The following PTPRQ variants were observed in gnomAD, a reference collection of about 807,000 sequenced individuals.
PTPRQ encodes protein tyrosine phosphatase receptor type Q, also known as phosphatidylinositol phosphatase PTPRQ.
A neutral mutation model predicts 246.0 loss-of-function variants in PTPRQ; 199 were observed. That is an observed-to-expected ratio of 0.81 (90% confidence interval 0.72 to 0.91). PTPRQ has a LOEUF of 0.91. PTPRQ is among the 40% of genes least tolerant of loss of function. The pLI, the probability that PTPRQ is intolerant of heterozygous loss-of-function variation, is 0.00. For synonymous variants in PTPRQ, 869 were observed against 853.2 expected (o/e 1.02, Z -0.32); for missense variants, 2,624 against 2,528.4 (o/e 1.04, Z -0.81).
chr12:80,491,385 G>C (rs1894445670), intron 9 of PTPRQ, among the ~76,000 whole-genome samples: 1 of 151,968 alleles, frequency 6.6e-6, no homozygotes, highest in African/African-American at 2.4e-5. Flanking sequence ...TGAGTTATGT[G>C]TTTGTGATTC....
chr12:80,670,227 T>A (rs1425530310), intron 41 of PTPRQ, 117 bp from the exon 42 acceptor site: 1 of 1,389,816 alleles, frequency 7.2e-7, no homozygotes, highest in East Asian at 2.6e-5. Context: ...ACATTTTATT[T>A]GGTTTGGTAA....
chr12:80,474,862 C>T (rs1893762704), intron 8 of PTPRQ, among the ~76,000 whole-genome samples: 1 of 152,040 alleles, frequency 6.6e-6, no homozygotes, highest in Admixed American at 6.6e-5. Context: ...TTGTTTACTC[C>T]CTCTTAAACA....
At chr12:80,472,769 C>G (rs1162625441) in intron 8 of PTPRQ, among the ~76,000 whole-genome samples, 1 of 152,066 alleles carries the variant, frequency 6.6e-6, no homozygotes, top group African/African-American at 2.4e-5. Context: ...AAGAAACTTC[C>G]TTATAAGTAT....
chr12:80,642,026 CA>C (rs1484966869), intron 35 of PTPRQ, among the ~76,000 whole-genome samples: 1 of 151,658 alleles, frequency 6.6e-6, no homozygotes, highest in Non-Finnish European at 1.5e-5. Context: ...TCTCTAACGC[CA>C]AATTTTCTTT....
rs1247176956 is a variant in PTPRQ at position 80,588,365 on chromosome 12, A to G, written c.4522A>G (p.Arg1508Gly). The change falls in exon 26 of 45, where the codon AGA becomes GGA. Residue 1508 changes from arginine (R) to glycine (G), a missense_variant. Physicochemically the swap from Arg to Gly is moderately radical, Grantham distance 125. Coordinates refer to ENST00000644991, the MANE Select transcript of PTPRQ (RefSeq NM_001145026.2). ...GACAGTATATGGATTAAAGAAATTT[A>G]GATGGTATAGATTCCAAGTGGCTGC... ...EETVYGLKKF[R>G]WYRFQVAAST... is the part of the protein sequence containing the mutation. 1 of 1,545,554 alleles carries G rather than the reference A, an allele frequency of 6.5e-7. No homozygotes were observed. The highest frequency in any genetic ancestry group is 8.7e-7 in the Non-Finnish European group (1 of 1,143,314).
Position 80,541,704 on chromosome 12 carries a change from C to T in PTPRQ, c.3304C>T (p.Pro1102Ser). Residue 1102 changes from proline (P) to serine (S), a missense_variant, in exon 21 of 45, where the codon CCT becomes TCT. Coordinates refer to ENST00000644991, the MANE Select transcript of PTPRQ (RefSeq NM_001145026.2). ...LQQTPRHVRP[P>S]LVTYERSIYF... ...GCAGACTCCTCGCCATGTGAGACCACCTCTTGTTACATATGAGAGAAGCAT... is the reference window on the plus strand; with the variant it reads ...GCAGACTCCTCGCCATGTGAGACCATCTCTTGTTACATATGAGAGAAGCAT... 2 of 1,551,322 alleles carry T rather than the reference C, an allele frequency of 1.3e-6. No individual in the cohort carries two copies. The highest frequency in any genetic ancestry group is 1.7e-6 in the Non-Finnish European group (2 of 1,146,726).
chr12:80,456,091 C>A (rs1053186163), intron 3 of PTPRQ, among the ~76,000 whole-genome samples: 4 of 152,102 alleles, frequency 2.6e-5, no homozygotes, highest in African/African-American at 9.7e-5. Flanking sequence ...ACATCAATAT[C>A]TTCTTTGAAC....
At position 80,605,165 on chromosome 12, in the gene PTPRQ, G is replaced by T. The variant is rs1257990905; in HGVS notation, c.4716G>T (p.Leu1572=). The T allele has an allele frequency of 6.5e-7, 1 of 1,541,000 alleles. No homozygotes were observed. Residue 1572 remains leucine (L), a synonymous_variant, in exon 27 of 45, where the codon CTG becomes CTT. Coordinates refer to ENST00000644991, the MANE Select transcript of PTPRQ (RefSeq NM_001145026.2). Reference sequence around the variant, plus strand: ...TCATTACTGGACCAACATGTTATCTGATTGATGTCAAATCGGTAAGGCATG... The same window carrying T: ...TCATTACTGGACCAACATGTTATCTTATTGATGTCAAATCGGTAAGGCATG... ...PAVITGPTCY[L]IDVKSVDNDE...
intron 32 of PTPRQ, among the ~76,000 whole-genome samples, chr12:80,620,823 C>A (rs556573815): frequency 5.9e-5 from 9 of 151,890 alleles, no homozygotes; most frequent in Non-Finnish European, 8.8e-5. Flanking sequence ...TAACTCTCTG[C>A]TTTTTATCTC....
At chr12:80,627,689 AG>A (rs1255639796) in intron 33 of PTPRQ, among the ~76,000 whole-genome samples, 3 of 152,168 alleles carry the variant, frequency 2.0e-5, no homozygotes. Flanking sequence ...TTATGTAAAC[AG>A]ACCAATTTAA....
At chr12:80,446,982 G>A (rs1256891438) in intron 3 of PTPRQ, among the ~76,000 whole-genome samples, 1 of 151,936 alleles carries the variant, frequency 6.6e-6, no homozygotes, top group Non-Finnish European at 1.5e-5. Flanking sequence ...AGGTCTTTGA[G>A]AAATCTCCGT....
chr12:80,563,560 C>T (rs186884142), intron 25 of PTPRQ, among the ~76,000 whole-genome samples: 1 of 152,252 alleles, frequency 6.6e-6, no homozygotes, highest in East Asian at 1.9e-4. Flanking sequence ...TCTTTTATAC[C>T]ACTCTAGTAG....
intron 6 of PTPRQ, among the ~76,000 whole-genome samples, chr12:80,466,532 G>A (rs377495528): frequency 6.6e-6 from 1 of 152,052 alleles, no homozygotes; most frequent in African/African-American, 2.4e-5. Context: ...GAACCAAAAA[G>A]GAGCCCGCAT....
chr12:80,605,142 A>G lies in PTPRQ; in HGVS notation c.4693A>G (p.Ile1565Val), dbSNP rs1188079722. The G allele has an allele frequency of 1.9e-6, 3 of 1,545,366 alleles. No homozygotes were observed. Among genetic ancestry groups the G allele is most frequent in the Middle Eastern group, 3.4e-4 (2 of 5,960 alleles). Residue 1565 changes from isoleucine (I) to valine (V), a missense_variant, in exon 27 of 45, where the codon ATT (isoleucine) becomes GTT (valine). Transcript: ENST00000644991. ...ISISWSEPAVITGPTCYLIDV... is the reference protein window; with the variant it reads ...ISISWSEPAVVTGPTCYLIDV... ...CATAAGCTGGAGTGAACCTGCTGTC[A>G]TTACTGGACCAACATGTTATCTGAT...
At chr12:80,468,310 A>G (rs1347731486) in intron 6 of PTPRQ, among the ~76,000 whole-genome samples, 1 of 152,184 alleles carries the variant, frequency 6.6e-6, no homozygotes, top group East Asian at 1.9e-4. Context: ...ACCTGTGTTA[A>G]TAAGAGAGAA....
At chr12:80,583,702 C>T (rs570012947) in intron 25 of PTPRQ, 1 of 152,250 alleles carries the variant, frequency 6.6e-6, no homozygotes, top group East Asian at 1.9e-4. Flanking sequence ...TAAAACAATA[C>T]CCATTTATTA....
chr12:80,570,536 C>A (rs1460425807), intron 25 of PTPRQ, among the ~76,000 whole-genome samples: 2 of 152,196 alleles, frequency 1.3e-5, no homozygotes, highest in East Asian at 3.9e-4. Context: ...TATAGTTTGC[C>A]TGTTCACTCT....
intron 43 of PTPRQ, 80 bp downstream of exon 43, chr12:80,673,384 G>A: frequency 6.7e-7 from 1 of 1,496,596 alleles, no homozygotes; most frequent in Admixed American, 2.4e-5. Flanking sequence ...AATCTGGATG[G>A]ACATGAGCTT....
In PTPRQ at chr12:80,678,979, G is replaced by A; in HGVS notation, c.6863-7G>A. On this transcript the variant is annotated splice_region_variant and splice_polypyrimidine_tract_variant and intron_variant, in intron 44 of 44. Transcript: ENST00000644991. ...ACTCTCTTGTAACATGTTACTTTCT[G>A]TTATAGGTGATGTTGAGCTTGAATG... The A allele has an allele frequency of 6.5e-7, 1 of 1,544,186 alleles. No homozygotes were observed. The highest frequency in any genetic ancestry group is 8.7e-7 in the Non-Finnish European group (1 of 1,143,884).
Sources: gnomAD v4.1 joint callset for allele counts (sites outside exome capture counted in the v4.1 genomes callset) on GRCh38, gnomAD v4.1.1 for gene constraint, MANE v1.5 for transcripts, NCBI Gene and HGNC (gene_info 2026-07-23, HGNC 2026-07-21) for gene names.